CACNA1B: variants seen among roughly 807,000 people sequenced by gnomAD.
CACNA1B encodes the protein voltage-dependent N-type calcium channel subunit alpha-1B.
In CACNA1B, 70 loss-of-function variants were observed where a neutral mutation model predicts 247.2. That is an observed-to-expected ratio of 0.28 (90% CI 0.23 to 0.35). CACNA1B has a LOEUF of 0.35. Ranked by LOEUF, CACNA1B falls within the 10% of genes least tolerant of loss-of-function variation. CACNA1B has a pLI of 1.00. For synonymous variants in CACNA1B, 1,231 were observed against 1,294.4 expected (o/e 0.95, Z 1.05); for missense variants, 2,367 against 3,197.4 (o/e 0.74, Z 6.26).
chr9:138,062,266 C>T (rs1959752536), intron 31 of CACNA1B, among the ~76,000 whole-genome samples: 1 of 152,194 alleles, frequency 6.6e-6, no homozygotes, highest in Non-Finnish European at 1.5e-5. Context: ...GTCTTTCAGG[C>T]TGTTCCTATG....
At chr9:138,040,914 G>T (rs1343001488) in intron 20 of CACNA1B, among the ~76,000 whole-genome samples, 1 of 152,188 alleles carries the variant, frequency 6.6e-6, no homozygotes, top group South Asian at 2.1e-4. Context: ...GGTTTTGTGA[G>T]CTAATTAAGC....
Position 138,020,461 on chromosome 9 carries a change from C to T in CACNA1B, c.2268-2550C>T, listed in dbSNP as rs1958830648. ...GTGCCAGATAGAGCAAGGACAGAGA[C>T]AGGGGCCAGGGGAGGTGCAGGCTGA... On this transcript the variant is annotated intron_variant, in intron 18 of 46. Coordinates refer to ENST00000371372, the MANE Select transcript of CACNA1B (RefSeq NM_000718.4). The surrounding 1 kb of genome is among the most constrained non-coding windows in gnomAD (Gnocchi z 4.1). Among the ~76,000 whole-genome samples, 1 of 152,216 alleles carries T rather than the reference C, an allele frequency of 6.6e-6. No homozygotes were observed. The highest frequency in any genetic ancestry group is 1.5e-5 in the Non-Finnish European group (1 of 68,040).
chr9:138,062,666 A>G (rs1959768837), intron 31 of CACNA1B, among the ~76,000 whole-genome samples: 1 of 151,976 alleles, frequency 6.6e-6, no homozygotes, highest in Non-Finnish European at 1.5e-5. Flanking sequence ...CCTGCTCCCA[A>G]ATGCTGGGTG....
chr9:137,983,387 G>A (rs570015443), intron 12 of CACNA1B, among the ~76,000 whole-genome samples: 12 of 152,284 alleles, frequency 7.9e-5, no homozygotes, highest in South Asian at 4.2e-4. Flanking sequence ...GTGGTAAAGG[G>A]TCTGCTGTGT....
At position 137,971,079 on chromosome 9, in the gene CACNA1B, TG is replaced by T. The variant is rs1958140950; in HGVS notation, c.1334-302del. On this transcript the variant is annotated intron_variant, in intron 10 of 46. Coordinates refer to ENST00000371372, the MANE Select transcript of CACNA1B (RefSeq NM_000718.4). This position sits in a 1 kb window ranked among gnomAD's most constrained non-coding sequence, Gnocchi z 4.4. ...AAAAGCTTGGGGTGCTCATGGAGAG[TG>T]GCCTGGGGGCATCAGGGCTGTGCTC... is the stretch of plus-strand genomic sequence containing the variant. Among the ~76,000 whole-genome samples, 1 of 151,730 alleles carries T rather than the reference TG, an allele frequency of 6.6e-6. No individual in the cohort carries two copies. The highest frequency in any genetic ancestry group is 6.6e-5 in the Admixed American group (1 of 15,260).
At chr9:138,093,776 A>T (rs973637873) in intron 36 of CACNA1B, among the ~76,000 whole-genome samples, 1 of 152,160 alleles carries the variant, frequency 6.6e-6, no homozygotes, top group African/African-American at 2.4e-5. Context: ...ATTAATTAAT[A>T]AATATTGGCA....
At position 137,995,212 on chromosome 9, in the gene CACNA1B, CAAA is replaced by C. The variant is rs34306133; in HGVS notation, c.1974+8372_1974+8374del. ...GGGTGACAAGAGTGAGACTCCGTCT[CAAA>C]AAAAAAAAAAAAACAAAATCAGCAA... On this transcript the variant is annotated intron_variant, in intron 15 of 46. Coordinates refer to ENST00000371372, the MANE Select transcript of CACNA1B (RefSeq NM_000718.4). Among the ~76,000 whole-genome samples, 802 of 115,718 alleles carry C rather than the reference CAAA, an allele frequency of 6.9e-3. 8 individuals are homozygous for C. Among genetic ancestry groups the C allele is most frequent in the Non-Finnish European group, 1.0e-2 (543 of 54,456 alleles). 75.9% of individuals were successfully genotyped at this position (115,718 alleles called of 152,430 possible). A position where few individuals can be genotyped will look rare whatever the true frequency, so the allele number is the denominator to read the frequency against.
chr9:138,052,098 C>A lies in CACNA1B; in HGVS notation c.3717C>A (p.Ser1239=). 2 of 1,597,344 alleles carry A rather than the reference C, an allele frequency of 1.3e-6. No homozygotes were observed. Among genetic ancestry groups the A allele is most frequent in the Non-Finnish European group, 1.7e-6 (2 of 1,165,438 alleles). Residue 1239 remains serine (S), a synonymous_variant, in exon 25 of 47, where the codon TCC becomes TCA. Transcript: ENST00000371372. This position sits in a 1 kb window ranked among gnomAD's most constrained non-coding sequence, Gnocchi z 5.1. Reference sequence around the variant, plus strand: ...TGTGGCTTCTCCCTTCTAGAGGATCCAAAGGGAAAGACATCAATACCATCA... The same window carrying A: ...TGTGGCTTCTCCCTTCTAGAGGATCAAAAGGGAAAGACATCAATACCATCA... ...GALVAFAFSG[S]KGKDINTIKS... is the part of the protein sequence containing the mutation.
At position 138,121,693 on chromosome 9, in the gene CACNA1B, G is replaced by C; in HGVS notation, c.6714G>C (p.Leu2238=). ...LSRGLSEHNA[L]LQRDPLSQPL... Reference sequence around the variant, plus strand: ...GTGGGCTTTCCGAACACAACGCCCTGCTGCAGAGAGACCCCCTCAGCCAGC... The same window carrying C: ...GTGGGCTTTCCGAACACAACGCCCTCCTGCAGAGAGACCCCCTCAGCCAGC... Residue 2238 remains leucine, a synonymous_variant, in exon 47 of 47, where the codon CTG becomes CTC. Coordinates refer to ENST00000371372, the MANE Select transcript of CACNA1B (RefSeq NM_000718.4). The surrounding 1 kb of genome is among the most constrained non-coding windows in gnomAD (Gnocchi z 6.8). The C allele has an allele frequency of 6.2e-7, 1 of 1,613,314 alleles. No individual in the cohort carries two copies. The highest frequency in any genetic ancestry group is 8.5e-7 in the Non-Finnish European group (1 of 1,179,778).
chr9:138,115,431 C>T, intron 41 of CACNA1B, 121 bp from the exon 42 acceptor site: 2 of 1,027,364 alleles, frequency 1.9e-6, no homozygotes, highest in Admixed American at 2.5e-5. Context: ...GGGGAAAGAG[C>T]CCTTAGGCTG....
rs1267682728 is a variant in CACNA1B at position 137,888,732 on chromosome 9, G to T, written c.530+5849G>T. On this transcript the variant is annotated intron_variant, in intron 3 of 46. Coordinates refer to ENST00000371372, the MANE Select transcript of CACNA1B (RefSeq NM_000718.4). The surrounding 1 kb of genome is among the most constrained non-coding windows in gnomAD (Gnocchi z 4.7). ...GGGAGTCTGGTCAGCGGAGCTCAGG[G>T]GCCGAGGCACTGCTGACCCTGAGCT... 5.3e-5 allele frequency among the ~76,000 whole-genome samples: 8 copies of T among 152,218 alleles called. No individual in the cohort carries two copies. The highest frequency in any genetic ancestry group is 2.0e-4 in the Admixed American group (3 of 15,288).
intron 42 of CACNA1B, 148 bp downstream of exon 42, chr9:138,115,827 T>TC (rs1365124564): frequency 2.6e-6 from 2 of 766,512 alleles, no homozygotes; most frequent in East Asian, 5.5e-5. Context: ...GAGGGGCGTG[T>TC]CTGCCATCCG....
chr9:137,962,164 C>T (rs1229531659), intron 10 of CACNA1B, among the ~76,000 whole-genome samples: 1 of 152,100 alleles, frequency 6.6e-6, no homozygotes, highest in African/African-American at 2.4e-5. Flanking sequence ...AGTTTATGTG[C>T]ATAGAGGTGT....
intron 31 of CACNA1B, among the ~76,000 whole-genome samples, chr9:138,062,209 C>A (rs978718718): frequency 1.1e-4 from 16 of 152,184 alleles, no homozygotes; most frequent in Non-Finnish European, 1.5e-4. Context: ...TTTTCCCCCC[C>A]ACACAGAGCT....
Position 138,041,999 on chromosome 9 carries a change from G to C in CACNA1B, c.3287-1775G>C, listed in dbSNP as rs1258675995. Among the ~76,000 whole-genome samples, 5 of 152,206 alleles carry C rather than the reference G, an allele frequency of 3.3e-5. No homozygotes were observed. In the South Asian group the frequency reaches 1.0e-3, roughly 32 times the overall value. On this transcript the variant is annotated intron_variant, in intron 20 of 46. Transcript: ENST00000371372. ...ATGGTCTCGTTGCTTGAGACTCCTG[G>C]ACTCAAGGGATCCCTCCCACCTTGG...
chr9:137,879,296 G>A (rs549361465), intron 2 of CACNA1B, 137 bp downstream of exon 2: 2 of 626,676 alleles, frequency 3.2e-6, no homozygotes, highest in African/African-American at 1.8e-5. Context: ...GGAAAAGGTA[G>A]GCCTGGCAGA....
chr9:138,062,909 C>T (rs958477935), intron 31 of CACNA1B, among the ~76,000 whole-genome samples: 8 of 152,356 alleles, frequency 5.3e-5, no homozygotes, highest in African/African-American at 1.2e-4. Flanking sequence ...ATCTCCAAAA[C>T]GCAAAGCAGC....
In CACNA1B at chr9:138,121,810, T is replaced by G. The variant is rs2278973; in HGVS notation, c.6831T>G (p.Thr2277=). The part of the protein sequence containing the change: ...EASVHALPED[T]LTFEEAVATN... ...CTGTCCACGCCCTGCCTGAGGACAC[T>G]CTCACTTTCGAGGAGGCTGTGGCCA... The change falls in exon 47 of 47, where the codon ACT becomes ACG. Residue 2277 remains threonine, a synonymous_variant. Coordinates refer to ENST00000371372, the MANE Select transcript of CACNA1B (RefSeq NM_000718.4). This position sits in a 1 kb window ranked among gnomAD's most constrained non-coding sequence, Gnocchi z 6.8. 0.9 allele frequency: 1,456,436 copies of G among 1,613,064 alleles called. 658,234 individuals are homozygous for G. The highest frequency in any genetic ancestry group is 0.96 in the African/African-American group (72,210 of 75,040).
At chr9:138,009,950 C>G in intron 16 of CACNA1B, 60 bp from the exon 17 acceptor site, 5 of 1,335,296 alleles carry the variant, frequency 3.7e-6, no homozygotes, top group Non-Finnish European at 5.4e-6. Context: ...ATGGGGGAAG[C>G]TGCAGTGTGA....
Sources: gnomAD v4.1 joint callset for allele counts (sites outside exome capture counted in the v4.1 genomes callset) on GRCh38, gnomAD v4.1.1 for gene constraint, Gnocchi (gnomAD v3.1) non-coding constraint, MANE v1.5 for transcripts, NCBI Gene and HGNC (gene_info 2026-07-23, HGNC 2026-07-21) for gene names.